Variants in CLNK observed in about 807,000 individuals in gnomAD.
CLNK encodes cytokine-dependent hematopoietic cell linker.
CLNK carries 74 observed loss-of-function variants against 68.6 expected under a neutral mutation model. The ratio of observed to expected loss-of-function variants is 1.08; its 90% confidence interval spans 0.89 to 1.31. CLNK has a LOEUF of 1.31. Ranked by LOEUF, CLNK falls within the 50% of genes most tolerant of loss-of-function variation. CLNK has a pLI of 0.00. For synonymous variants in CLNK, 198 were observed against 172.2 expected (o/e 1.15, Z -1.17); for missense variants, 553 against 515.3 (o/e 1.07, Z -0.71).
Position 10,490,566 on chromosome 4 carries a change from G to A in CLNK, c.1188C>T (p.Pro396=). The stretch of plus-strand genomic sequence containing the variant: ...TATCTTTCCCATCAATTAGTATAAT[G>A]GGAAAATTCTTGTAGTGTTCGATGA... ...EDIIEHYKNF[P]IILIDGKDKT... is the part of the protein sequence containing the mutation. The change falls in exon 19 of 19, where the codon CCC becomes CCT. Residue 396 remains proline, a synonymous_variant. Coordinates refer to ENST00000226951, the MANE Select transcript of CLNK (RefSeq NM_052964.4). The A allele has an allele frequency of 6.3e-7, 1 of 1,595,226 alleles. No homozygotes were observed. Among genetic ancestry groups the A allele is most frequent in the Non-Finnish European group, 8.5e-7 (1 of 1,170,318 alleles).
intron 14 of CLNK, among the ~76,000 whole-genome samples, chr4:10,521,947 TAAA>T (rs945744714): frequency 5.0e-4 from 76 of 151,738 alleles, no homozygotes; most frequent in Non-Finnish European, 7.4e-4. Flanking sequence ...GGGGAAAAAA[TAAA>T]AACAAAATAA....
chr4:10,533,354 G>T (rs747777840), intron 11 of CLNK, among the ~76,000 whole-genome samples: 4 of 152,208 alleles, frequency 2.6e-5, no homozygotes, highest in Non-Finnish European at 5.9e-5. Context: ...ACTATGAAGG[G>T]AGTGGAGTGA....
intron 2 of CLNK, among the ~76,000 whole-genome samples, chr4:10,650,776 CAT>C (rs1366210514): frequency 1.3e-5 from 2 of 151,548 alleles, no homozygotes; most frequent in Non-Finnish European, 2.9e-5. Flanking sequence ...GAAGGTTTGA[CAT>C]ATAAAATTTG....
At chr4:10,713,271 G>T in the CLNK span, among the ~76,000 whole-genome samples, 1 of 152,294 alleles carries the variant, frequency 6.6e-6, no homozygotes, top group South Asian at 2.1e-4. Context: ...GGATAAACTG[G>T]ATTGGATGGG....
intron 17 of CLNK, among the ~76,000 whole-genome samples, chr4:10,506,114 C>T (rs1157164009): frequency 2.0e-5 from 3 of 152,136 alleles, no homozygotes; most frequent in African/African-American, 4.8e-5. Context: ...GTATAGTTCT[C>T]TGCACATAGT....
intron 4 of CLNK, among the ~76,000 whole-genome samples, chr4:10,576,687 C>T (rs755053908): frequency 6.6e-6 from 1 of 152,150 alleles, no homozygotes; most frequent in Non-Finnish European, 1.5e-5. Flanking sequence ...TCAAACTCAC[C>T]TTGGGAGCTG....
chr4:10,544,190 G>A (rs1035651241), intron 8 of CLNK, among the ~76,000 whole-genome samples: 5 of 152,162 alleles, frequency 3.3e-5, no homozygotes, highest in Non-Finnish European at 7.3e-5. Flanking sequence ...ATTCAATAAA[G>A]AGACTGAGTT....
chr4:10,690,126 T>C, the CLNK span, among the ~76,000 whole-genome samples: 1 of 152,090 alleles, frequency 6.6e-6, no homozygotes, highest in African/African-American at 2.4e-5. Flanking sequence ...AACTCCCTGG[T>C]CAACACCTCA....
At chr4:10,507,909 C>T in intron 17 of CLNK, 50 bp downstream of exon 17, 1 of 1,386,148 alleles carries the variant, frequency 7.2e-7, no homozygotes, top group South Asian at 1.3e-5. Context: ...AGCAGAGAAC[C>T]TTAAGATGCC....
chr4:10,699,514 T>TA, the CLNK span, among the ~76,000 whole-genome samples: 19 of 18,456 alleles, frequency 1.0e-3, no homozygotes, highest in East Asian at 0.012. Flanking sequence ...ATATATATAT[T>TA]TTTTTTTTTT....
chr4:10,544,622 G>A (rs1719157432), intron 8 of CLNK, among the ~76,000 whole-genome samples: 1 of 152,212 alleles, frequency 6.6e-6, no homozygotes, highest in African/African-American at 2.4e-5. Flanking sequence ...CCTGAGGACA[G>A]CGAGGGAGCA....
At chr4:10,661,394 A>G (rs879563864) in intron 2 of CLNK, among the ~76,000 whole-genome samples, 2 of 152,246 alleles carry the variant, frequency 1.3e-5, no homozygotes, top group Non-Finnish European at 2.9e-5. Context: ...CAGGTGATGT[A>G]TCCGTGATGA....
chr4:10,619,038 T>C (rs1722331182), intron 2 of CLNK, among the ~76,000 whole-genome samples: 1 of 152,232 alleles, frequency 6.6e-6, no homozygotes, highest in Non-Finnish European at 1.5e-5. Context: ...TTAGCCTTGA[T>C]CAATCATCAA....
chr4:10,615,514 C>T (rs1238141212), intron 2 of CLNK, among the ~76,000 whole-genome samples: 1 of 151,200 alleles, frequency 6.6e-6, no homozygotes, highest in African/African-American at 2.4e-5. Flanking sequence ...AAGACTCTGT[C>T]TCAAAAAACA....
chr4:10,492,749 G>A (rs751670732), intron 18 of CLNK, among the ~76,000 whole-genome samples: 2 of 152,180 alleles, frequency 1.3e-5, no homozygotes, highest in Admixed American at 1.3e-4. Context: ...CAGACACCAC[G>A]CTGGGGATAA....
At chr4:10,610,150 G>A (rs1462336959) in intron 2 of CLNK, among the ~76,000 whole-genome samples, 4 of 132,238 alleles carry the variant, frequency 3.0e-5, no homozygotes, top group Non-Finnish European at 6.1e-5. Flanking sequence ...TCCGCCTTCC[G>A]GGTTCACGCC....
chr4:10,514,763 A>G (rs563137450), intron 15 of CLNK, among the ~76,000 whole-genome samples: 1 of 151,522 alleles, frequency 6.6e-6, no homozygotes, highest in African/African-American at 2.4e-5. Context: ...GATCTAATTA[A>G]ACTAAAGAGC....
intron 13 of CLNK, among the ~76,000 whole-genome samples, chr4:10,527,708 G>A (rs1417844646): frequency 6.6e-6 from 1 of 152,146 alleles, no homozygotes; most frequent in Non-Finnish European, 1.5e-5. Context: ...GTGCATGAAA[G>A]AGCCACGTGT....
chr4:10,721,724 C>G, the CLNK span, among the ~76,000 whole-genome samples: 1 of 152,192 alleles, frequency 6.6e-6, no homozygotes, highest in Admixed American at 6.5e-5. Flanking sequence ...AGGCGTTGTA[C>G]TAAGCACCAG....
Sources: gnomAD v4.1 joint callset for allele counts (sites outside exome capture counted in the v4.1 genomes callset) on GRCh38, gnomAD v4.1.1 for gene constraint, MANE v1.5 for transcripts, NCBI Gene and HGNC (gene_info 2026-07-23, HGNC 2026-07-21) for gene names.